The following RABGAP1L variants were observed in gnomAD, a reference collection of about 807,000 sequenced individuals.
The protein encoded by RABGAP1L is RAB GTPase activating protein 1 like.
In RABGAP1L, 63 loss-of-function variants were observed where a neutral mutation model predicts 137.7. The ratio of observed to expected loss-of-function variants is 0.46; its 90% CI spans 0.37 to 0.56. The LOEUF is 0.56. Ranked by LOEUF, RABGAP1L falls within the 20% of genes least tolerant of loss-of-function variation. The pLI is 0.00. For missense variants in RABGAP1L, 1,095 were observed against 1,244.0 expected (o/e 0.88, Z 1.80); for synonymous variants, 431 against 433.7 (o/e 0.99, Z 0.08).
intron 19 of RABGAP1L, among the ~76,000 whole-genome samples, chr1:174,867,240 G>C (rs1321881704): frequency 6.6e-6 from 1 of 152,028 alleles, no homozygotes; most frequent in Non-Finnish European, 1.5e-5. Context: ...AATTAGCCGG[G>C]TGTGGTGGTG....
At chr1:174,469,463 C>T (rs1209939244) in intron 13 of RABGAP1L, among the ~76,000 whole-genome samples, 1 of 152,172 alleles carries the variant, frequency 6.6e-6, no homozygotes, top group Non-Finnish European at 1.5e-5. Context: ...TACAGATTTT[C>T]AGCAACTACC....
At chr1:174,398,081 G>A (rs1043171616) in intron 13 of RABGAP1L, among the ~76,000 whole-genome samples, 5 of 152,082 alleles carry the variant, frequency 3.3e-5, no homozygotes, top group African/African-American at 7.2e-5. Context: ...TCATTCTCAC[G>A]GATATGTTAC....
intron 13 of RABGAP1L, among the ~76,000 whole-genome samples, chr1:174,419,778 T>C (rs1355065215): frequency 6.6e-6 from 1 of 152,246 alleles, no homozygotes; most frequent in Non-Finnish European, 1.5e-5. Flanking sequence ...ATCTGACATT[T>C]GTCTTTTATT....
chr1:174,928,703 T>G (rs1445950245), intron 19 of RABGAP1L, among the ~76,000 whole-genome samples: 1 of 152,106 alleles, frequency 6.6e-6, no homozygotes, highest in Non-Finnish European at 1.5e-5. Flanking sequence ...TTTTCTCTCT[T>G]TATGAAGAAG....
chr1:174,812,185 G>A (rs1689939487), intron 19 of RABGAP1L, among the ~76,000 whole-genome samples: 1 of 152,184 alleles, frequency 6.6e-6, no homozygotes, highest in South Asian at 2.1e-4. Context: ...ACAATAGGAA[G>A]ATAAACATTT....
At chr1:174,815,467 A>G (rs557412197) in intron 19 of RABGAP1L, among the ~76,000 whole-genome samples, 10 of 152,324 alleles carry the variant, frequency 6.6e-5, no homozygotes, top group African/African-American at 2.2e-4. Context: ...TTATTTTCAA[A>G]GTTGGTGTTG....
chr1:174,651,262 G>T (rs2148390523), intron 14 of RABGAP1L, among the ~76,000 whole-genome samples: 1 of 152,178 alleles, frequency 6.6e-6, no homozygotes, highest in East Asian at 1.9e-4. Context: ...CAACTATGTG[G>T]TCAATTTTGG....
chr1:174,270,608 A>G (rs1008015093), intron 7 of RABGAP1L, among the ~76,000 whole-genome samples: 3 of 151,972 alleles, frequency 2.0e-5, no homozygotes, highest in Admixed American at 2.0e-4. Context: ...ATAAAAATTA[A>G]AAAAAATCTT....
At chr1:174,443,717 G>A (rs1654414021) in intron 13 of RABGAP1L, among the ~76,000 whole-genome samples, 1 of 151,714 alleles carries the variant, frequency 6.6e-6, no homozygotes, top group Non-Finnish European at 1.5e-5. Flanking sequence ...TTGTTTTGTT[G>A]CCTGTGCTTT....
chr1:174,656,751 T>C (rs1226555729), intron 14 of RABGAP1L, among the ~76,000 whole-genome samples: 1 of 152,244 alleles, frequency 6.6e-6, no homozygotes, highest in Non-Finnish European at 1.5e-5. Context: ...TTCTTTGTCA[T>C]GTCTGTCCAC....
intron 7 of RABGAP1L, 49 bp from the exon 8 acceptor site, chr1:174,272,365 A>G (rs750883567): frequency 4.4e-6 from 7 of 1,579,540 alleles, no homozygotes; most frequent in East Asian, 4.6e-5. Context: ...CTGGGCTTCT[A>G]TATATTCTTG....
chr1:174,625,017 A>G (rs572607935), intron 13 of RABGAP1L, among the ~76,000 whole-genome samples: 2 of 151,724 alleles, frequency 1.3e-5, no homozygotes, highest in Admixed American at 6.6e-5. Context: ...GATTACAGGC[A>G]CCTGACACCA....
chr1:174,718,356 TGTTG>T (rs1242069716), intron 17 of RABGAP1L, among the ~76,000 whole-genome samples: 1 of 152,218 alleles, frequency 6.6e-6, no homozygotes, highest in Non-Finnish European at 1.5e-5. Flanking sequence ...AATGCTCATC[TGTTG>T]GCATAACTTT....
intron 19 of RABGAP1L, chr1:174,896,982 C>T (rs192203683): frequency 1.5e-4 from 23 of 152,268 alleles, no homozygotes; most frequent in African/African-American, 4.8e-4. Flanking sequence ...TGAAGAAAGT[C>T]ATTGGTAGCT....
chr1:174,956,640 C>A (rs1047826521), intron 19 of RABGAP1L, among the ~76,000 whole-genome samples: 8 of 150,622 alleles, frequency 5.3e-5, no homozygotes, highest in African/African-American at 2.0e-4. Flanking sequence ...GAATATTTTT[C>A]TCTTCTCTTC....
intron 10 of RABGAP1L, among the ~76,000 whole-genome samples, chr1:174,281,631 A>C (rs1675566711): frequency 6.6e-6 from 1 of 152,228 alleles, no homozygotes; most frequent in African/African-American, 2.4e-5. Context: ...AGAACTAGAA[A>C]GACTGGGAAG....
intron 13 of RABGAP1L, among the ~76,000 whole-genome samples, chr1:174,496,167 A>G (rs1660714928): frequency 1.3e-5 from 2 of 152,252 alleles, no homozygotes; most frequent in African/African-American, 4.8e-5. Context: ...GAAAATCTGT[A>G]CATAATTCCA....
At chr1:174,848,936 C>T (rs543343926) in intron 19 of RABGAP1L, among the ~76,000 whole-genome samples, 18 of 151,506 alleles carry the variant, frequency 1.2e-4, no homozygotes, top group Non-Finnish European at 2.5e-4. Flanking sequence ...CGTGGTGCGC[C>T]GTTTTTTAAG....
At chr1:174,744,537 A>G (rs1255698070) in intron 17 of RABGAP1L, among the ~76,000 whole-genome samples, 2 of 152,224 alleles carry the variant, frequency 1.3e-5, no homozygotes, top group Non-Finnish European at 2.9e-5. Context: ...TTATAGTGAG[A>G]CATATAGTGA....
Sources: allele counts gnomAD v4.1 joint callset (sites outside exome capture counted in the v4.1 genomes callset), GRCh38; gene constraint gnomAD v4.1.1; transcripts MANE v1.5; gene names NCBI Gene and HGNC (gene_info 2026-07-23, HGNC 2026-07-21).